PCDH15: variants seen among roughly 807,000 people sequenced by gnomAD.
The protein encoded by PCDH15 is protocadherin related 15.
A neutral mutation model predicts 178.5 loss-of-function variants in PCDH15; 129 were observed. The observed-to-expected ratio is 0.72, with a 90% confidence interval of 0.63 to 0.84. PCDH15 has a LOEUF of 0.84. Ranked by LOEUF, PCDH15 falls within the 40% of genes least tolerant of loss-of-function variation. The pLI is 0.00. For synonymous variants in PCDH15, 800 were observed against 732.0 expected (o/e 1.09, Z -1.50); for missense variants, 2,230 against 2,099.9 (o/e 1.06, Z -1.21).
At chr10:54,617,093 C>T (rs2093186461) in intron 2 of PCDH15, among the ~76,000 whole-genome samples, 2 of 150,846 alleles carry the variant, frequency 1.3e-5, no homozygotes, top group Non-Finnish European at 2.9e-5. Context: ...GACTGGATTT[C>T]ACCATGTTGG....
chr10:54,267,394 A>T (rs1046021458), intron 8 of PCDH15, among the ~76,000 whole-genome samples: 21 of 151,898 alleles, frequency 1.4e-4, no homozygotes, highest in African/African-American at 4.8e-4. Context: ...TACCACTCTT[A>T]TTCAACTTAA....
chr10:55,564,407 T>A (rs549581023), intron 2 of PCDH15, among the ~76,000 whole-genome samples: 11 of 151,622 alleles, frequency 7.3e-5, no homozygotes, highest in Non-Finnish European at 1.3e-4. Context: ...AAAAAACGTA[T>A]GAAAGGAATT....
chr10:55,472,016 T>C (rs902596434), intron 2 of PCDH15, among the ~76,000 whole-genome samples: 2 of 152,198 alleles, frequency 1.3e-5, no homozygotes, highest in African/African-American at 4.8e-5. Context: ...TGAGATATTC[T>C]GAAGCAGGCT....
At chr10:54,946,017 T>C (rs1838190159) in intron 2 of PCDH15, among the ~76,000 whole-genome samples, 2 of 151,834 alleles carry the variant, frequency 1.3e-5, no homozygotes, top group Non-Finnish European at 2.9e-5. Context: ...CTGAGAAATA[T>C]ATTAACCATA....
intron 3 of PCDH15, among the ~76,000 whole-genome samples, chr10:54,812,156 A>G (rs2133730083): frequency 6.6e-6 from 1 of 152,312 alleles, no homozygotes; most frequent in African/African-American, 2.4e-5. Flanking sequence ...ATCAAGAAGA[A>G]TAAGTTTCTA....
intron 32 of PCDH15, chr10:53,821,325 C>A (rs747056491): frequency 1.0e-6 from 1 of 988,462 alleles, no homozygotes; most frequent in Middle Eastern, 5.2e-4. Flanking sequence ...TTTTGAAATA[C>A]CTTATGTCTG....
At chr10:54,425,267 C>A (rs11004297) in intron 3 of PCDH15, among the ~76,000 whole-genome samples, 71,177 of 151,810 alleles carry the variant, frequency 0.47, 17,464 homozygotes, top group Non-Finnish European at 0.52. Context: ...TTAATCCATT[C>A]GTGAGTGGAT....
intron 2 of PCDH15, among the ~76,000 whole-genome samples, chr10:54,981,516 T>C (rs993083211): frequency 6.6e-6 from 1 of 152,200 alleles, no homozygotes; most frequent in Non-Finnish European, 1.5e-5. Flanking sequence ...ACACGACTGA[T>C]GAAAATTTCT....
intron 2 of PCDH15, among the ~76,000 whole-genome samples, chr10:55,064,589 T>C (rs1311064119): frequency 2.0e-5 from 3 of 152,064 alleles, no homozygotes; most frequent in Non-Finnish European, 4.4e-5. Flanking sequence ...ATATAACTTT[T>C]TTTTTCACTG....
intron 1 of PCDH15, among the ~76,000 whole-genome samples, chr10:54,736,289 A>G (rs1944107702): frequency 6.6e-6 from 1 of 152,084 alleles, no homozygotes; most frequent in African/African-American, 2.4e-5. Flanking sequence ...CAGGTTTGCC[A>G]TTTGATTTTA....
chr10:53,991,299 C>G (rs1031349870), intron 21 of PCDH15, among the ~76,000 whole-genome samples: 6 of 152,206 alleles, frequency 3.9e-5, no homozygotes, highest in African/African-American at 1.4e-4. Context: ...ACTTGGAGAA[C>G]TTTTATGTCT....
chr10:54,191,713 C>T (rs1257328374), intron 11 of PCDH15, among the ~76,000 whole-genome samples: 1 of 148,140 alleles, frequency 6.8e-6, no homozygotes. Flanking sequence ...CCAGACCAAC[C>T]TGGCCAACAT....
At chr10:55,396,248 T>G (rs1837926443) in intron 2 of PCDH15, among the ~76,000 whole-genome samples, 1 of 152,180 alleles carries the variant, frequency 6.6e-6, no homozygotes, top group Non-Finnish European at 1.5e-5. Context: ...GAAACATCAC[T>G]CTGTTGCCTG....
chr10:53,846,578 G>A (rs2077993469), intron 28 of PCDH15, among the ~76,000 whole-genome samples: 1 of 151,640 alleles, frequency 6.6e-6, no homozygotes, highest in African/African-American at 2.4e-5. Flanking sequence ...ACAAACTAAG[G>A]GTGTCAATAA....
Position 54,909,308 on chromosome 10 carries a change from T to C in PCDH15, c.-79-11808A>G, listed in dbSNP as rs559932517. On this transcript the variant is annotated intron_variant, in intron 2 of 5. Coordinates refer to the PCDH15 transcript ENST00000458638. ...CCTGATAGCCTCCTGCCTCTGTTCA[T>C]GGAGCCCAGGTTATTAATGCCAAGG... Among the ~76,000 whole-genome samples the C allele has an allele frequency of 6.6e-5, 10 of 152,210 alleles. No homozygotes were observed. The South Asian group carries it at 1.0e-3, about 16-fold the overall frequency.
chr10:54,054,504 A>C (rs934343721), intron 18 of PCDH15, among the ~76,000 whole-genome samples: 1 of 152,162 alleles, frequency 6.6e-6, no homozygotes, highest in African/African-American at 2.4e-5. Context: ...TTGTGACCAT[A>C]AAGTGGACAC....
At chr10:55,472,205 G>A (rs140987904) in intron 2 of PCDH15, among the ~76,000 whole-genome samples, 2 of 151,918 alleles carry the variant, frequency 1.3e-5, no homozygotes, top group African/African-American at 2.4e-5. Flanking sequence ...TTTAATCTCT[G>A]CTTTTAAAGG....
chr10:55,206,485 T>C (rs1179910590), intron 1 of PCDH15, among the ~76,000 whole-genome samples: 1 of 152,126 alleles, frequency 6.6e-6, no homozygotes, highest in East Asian at 1.9e-4. Flanking sequence ...TTCTCTCAGC[T>C]TGTCTTTAGT....
At chr10:55,077,366 T>C (rs1681228220) in intron 2 of PCDH15, among the ~76,000 whole-genome samples, 1 of 151,886 alleles carries the variant, frequency 6.6e-6, no homozygotes, top group Admixed American at 6.6e-5. Context: ...TTTTATCTTA[T>C]TTTTTTGTCC....
Sources: gnomAD v4.1 joint callset for allele counts (sites outside exome capture counted in the v4.1 genomes callset) on GRCh38, gnomAD v4.1.1 for gene constraint, MANE v1.5 for transcripts, NCBI Gene and HGNC (gene_info 2026-07-23, HGNC 2026-07-21) for gene names.